ARHGAP23: variants seen among roughly 807,000 people sequenced by gnomAD.
The protein encoded by ARHGAP23 is Rho GTPase activating protein 23, also known as rho GTPase-activating protein 23.
ARHGAP23 carries 34 observed loss-of-function variants against 136.3 expected under a neutral mutation model. The ratio of observed to expected loss-of-function variants is 0.25; its 90% confidence interval spans 0.19 to 0.33. The LOEUF (loss-of-function observed/expected upper bound fraction) is 0.33, where lower values mean the gene tolerates loss of function less well. ARHGAP23 is among the 10% of genes least tolerant of loss of function. ARHGAP23 has a pLI of 1.00. For synonymous variants in ARHGAP23, 832 were observed against 920.5 expected, an observed-to-expected ratio of 0.90 and a Z score of 1.74; for missense variants, 1,808 against 2,139.0, an observed-to-expected ratio of 0.85 and a Z score of 3.05.
upstream of ARHGAP23, among the ~76,000 whole-genome samples, chr17:38,425,851 G>A (rs1231232515): frequency 1.3e-5 from 2 of 151,948 alleles, no homozygotes; most frequent in Non-Finnish European, 2.9e-5. Context: ...TGCAGGTCAA[G>A]GTGCAGGAAG....
intron 1 of ARHGAP23, among the ~76,000 whole-genome samples, chr17:38,435,309 C>A (rs1244081385): frequency 6.7e-6 from 1 of 149,690 alleles, no homozygotes; most frequent in African/African-American, 2.6e-5. Context: ...GAGGAAGGGG[C>A]CTCAGGTTGT....
At position 38,510,940 on chromosome 17, in the gene ARHGAP23, T is replaced by C; in HGVS notation, c.4444T>C (p.Ser1482Pro). The stretch of plus-strand genomic sequence containing the variant: ...CCTGCAGAGCCAGCCCCCGCGCCGC[T>C]CGGCCGCCTCCCGCCTGCATCAGTG... ...GSLQSQPPRR[S>P]AASRLHQCL The change falls in exon 24 of 24, where the codon TCG becomes CCG. Residue 1482 changes from serine (S) to proline (P), a missense_variant. Coordinates refer to ENST00000622683, the MANE Select transcript of ARHGAP23 (RefSeq NM_001199417.2). The surrounding 1 kb of genome is among the most constrained non-coding windows in gnomAD (Gnocchi z 4.6). 1.4e-6 allele frequency: 2 copies of C among 1,464,538 alleles called. No homozygotes were observed. The highest frequency in any genetic ancestry group is 1.8e-6 in the Non-Finnish European group (2 of 1,119,886). The allele number at this position is 1,464,538 out of a possible 1,614,324, so 90.7% of individuals were successfully genotyped here.
intron 10 of ARHGAP23, among the ~76,000 whole-genome samples, chr17:38,471,650 C>T (rs2039761481): frequency 6.6e-6 from 1 of 152,246 alleles, no homozygotes; most frequent in Admixed American, 6.5e-5. Context: ...AGGTCGTAGC[C>T]TTTCCTCCTT....
intron 16 of ARHGAP23, among the ~76,000 whole-genome samples, chr17:38,483,285 T>A (rs966768883): frequency 4.6e-5 from 7 of 152,370 alleles, no homozygotes; most frequent in African/African-American, 1.7e-4. Context: ...TGATGTTTTC[T>A]AGAATGGCCA....
At chr17:38,438,360 A>G (rs559332891) in intron 1 of ARHGAP23, among the ~76,000 whole-genome samples, 13 of 150,704 alleles carry the variant, frequency 8.6e-5, no homozygotes, top group African/African-American at 3.2e-4. Flanking sequence ...TTGGGGCAAG[A>G]AAGGGATGGA....
Position 38,460,946 on chromosome 17 carries a change from G to A in ARHGAP23, c.253+14G>A. On this transcript the variant is annotated intron_variant, in intron 3 of 23. Transcript: ENST00000622683. Reference sequence around the variant, plus strand: ...GCCGTGGAGGAGGTAAGGGAGGACTGGCGGGCGCTGGACCTGCACGGGACT... The same window carrying A: ...GCCGTGGAGGAGGTAAGGGAGGACTAGCGGGCGCTGGACCTGCACGGGACT... The A allele has an allele frequency of 2.0e-6, 3 of 1,535,894 alleles. No homozygotes were observed. Among genetic ancestry groups the A allele is most frequent in the Non-Finnish European group, 2.6e-6 (3 of 1,146,788 alleles).
chr17:38,423,519 A>T (rs8079561), upstream of ARHGAP23, among the ~76,000 whole-genome samples: 3 of 151,480 alleles, frequency 2.0e-5, no homozygotes, highest in Non-Finnish European at 4.4e-5. Context: ...TTACAGGCGC[A>T]CACCACCACG....
chr17:38,445,069 C>T (rs1440253508), intron 1 of ARHGAP23, among the ~76,000 whole-genome samples: 11 of 151,968 alleles, frequency 7.2e-5, no homozygotes, highest in South Asian at 2.1e-4. Context: ...CCAACTGCCT[C>T]GGCCTTCCAA....
rs141048222 is a variant in ARHGAP23, at chr17:38,469,714, G to A, written c.1916+79G>A. 1,453 of 1,511,036 alleles carry A rather than the reference G, an allele frequency of 9.6e-4. 15 individuals are homozygous for A. The African/African-American group carries it at 0.018, about 19-fold the overall frequency. 93.6% of individuals were successfully genotyped at this position (1,511,036 alleles called of 1,614,324 possible). A position where few individuals can be genotyped will look rare whatever the true frequency, so the allele number is the denominator to read the frequency against. On this transcript the variant is annotated intron_variant, in intron 9 of 23. Transcript: ENST00000622683. Reference sequence around the variant, plus strand: ...GCTCTGGGGCAGGGCTCTTGGCCCTGGGGGTCCTCTATGCATGGGACAGTG... The same window carrying A: ...GCTCTGGGGCAGGGCTCTTGGCCCTAGGGGTCCTCTATGCATGGGACAGTG...
chr17:38,437,317 G>T lies in ARHGAP23; in HGVS notation c.63+8769G>T, dbSNP rs1388935045. Reference sequence around the variant, plus strand: ...TGGCTAATTTTTTTGTAGCGATGGGGGTCTCCCTATATTGCCTAGGCTGGT... The same window carrying T: ...TGGCTAATTTTTTTGTAGCGATGGGTGTCTCCCTATATTGCCTAGGCTGGT... On this transcript the variant is annotated intron_variant, in intron 1 of 23. Coordinates refer to ENST00000622683, the MANE Select transcript of ARHGAP23 (RefSeq NM_001199417.2). 2.6e-5 allele frequency among the ~76,000 whole-genome samples: 4 copies of T among 151,850 alleles called. No homozygotes were observed. In the South Asian group the frequency reaches 6.2e-4, roughly 24 times the overall value.
chr17:38,436,662 A>G (rs2038804622), intron 1 of ARHGAP23, among the ~76,000 whole-genome samples: 1 of 152,260 alleles, frequency 6.6e-6, no homozygotes, highest in South Asian at 2.1e-4. Flanking sequence ...AAAGCCAGAC[A>G]AAAAGTCTCC....
intron 6 of ARHGAP23, among the ~76,000 whole-genome samples, chr17:38,465,960 C>T (rs987306916): frequency 1.3e-5 from 2 of 152,030 alleles, no homozygotes; most frequent in African/African-American, 4.8e-5. Context: ...AGTTTGCCTG[C>T]GTCTCAAAGG....
In ARHGAP23 at chr17:38,466,303, T is replaced by C. The variant is rs749130674; in HGVS notation, c.620T>C (p.Met207Thr). The C allele has an allele frequency of 6.5e-7, 1 of 1,546,586 alleles. No individual in the cohort carries two copies. The highest frequency in any genetic ancestry group is 1.2e-5 in the South Asian group (1 of 83,920). ...PPARASTRAT[M>T]VPEPTSALPS... is the part of the protein sequence containing the mutation. ...GCCCGGGCCTCCACCAGGGCCACTA[T>C]GGTGCCTGAGCCCACCTCAGCACTG... The change falls in exon 7 of 24, where the codon ATG becomes ACG. Residue 207 changes from methionine (M) to threonine (T), a missense_variant. Met to Thr is a moderately conservative substitution (Grantham distance 81). Around this residue, in one of 7 missense-constraint regions of ARHGAP23, gnomAD observed 859 missense variants for 936.4 expected, o/e 0.92. Coordinates refer to ENST00000622683, the MANE Select transcript of ARHGAP23 (RefSeq NM_001199417.2).
chr17:38,470,534 C>A (rs2039725977), intron 10 of ARHGAP23, among the ~76,000 whole-genome samples: 2 of 152,166 alleles, frequency 1.3e-5, no homozygotes, highest in Admixed American at 1.3e-4. Flanking sequence ...CCTGTGATAG[C>A]CCTGGCTGTT....
chr17:38,505,250 C>T (rs1170355928), intron 23 of ARHGAP23, among the ~76,000 whole-genome samples: 1 of 151,792 alleles, frequency 6.6e-6, no homozygotes, highest in Non-Finnish European at 1.5e-5. Flanking sequence ...TCAATGGATC[C>T]TGCTGCCTCG....
rs1359698323 is a variant in ARHGAP23 at position 38,458,177 on chromosome 17, T to C, written c.139T>C (p.Tyr47His). Reference sequence around the variant, plus strand: ...GCAGGGGCCGAGGACGCTGCTGCTGTACAAAAGTCCCCAGGACGGCTTTGG... The same window carrying C: ...GCAGGGGCCGAGGACGCTGCTGCTGCACAAAAGTCCCCAGGACGGCTTTGG... ...PWQGPRTLLL[Y>H]KSPQDGFGFT... Residue 47 changes from tyrosine (Y) to histidine (H), a missense_variant, in exon 2 of 24, where the codon TAC (tyrosine) becomes CAC (histidine). Tyr to His is a moderately conservative substitution (Grantham distance 83). This residue lies in a region of ARHGAP23 where 859 missense variants were observed against 936.4 expected (regional missense o/e 0.92). Coordinates refer to ENST00000622683, the MANE Select transcript of ARHGAP23 (RefSeq NM_001199417.2). The C allele has an allele frequency of 6.5e-7, 1 of 1,536,000 alleles. No individual in the cohort carries two copies. The highest frequency in any genetic ancestry group is 8.7e-7 in the Non-Finnish European group (1 of 1,146,886).
intron 1 of ARHGAP23, among the ~76,000 whole-genome samples, chr17:38,421,422 C>T (rs892803346): frequency 3.9e-5 from 6 of 152,260 alleles, no homozygotes; most frequent in Non-Finnish European, 8.8e-5. Context: ...ATGTGGTTAA[C>T]GCCCGGCTTT....
At chr17:38,498,285 A>G in intron 21 of ARHGAP23, 129 bp from the exon 22 acceptor site, 1 of 659,916 alleles carries the variant, frequency 1.5e-6, no homozygotes, top group Non-Finnish European at 2.5e-6. Context: ...GATGAGGGAG[A>G]CGGTCCCTGC....
rs549405449 is a variant in ARHGAP23, at chr17:38,482,015, A to C, written c.2630-7A>C. ...AGCTCACTCTGGCTCTGTCTCCCCCACTTCAGATGACAGTGCTGCAGCCCC... is the reference window on the plus strand; with the variant it reads ...AGCTCACTCTGGCTCTGTCTCCCCCCCTTCAGATGACAGTGCTGCAGCCCC... On this transcript the variant is annotated splice_region_variant and splice_polypyrimidine_tract_variant and intron_variant, in intron 14 of 23. Coordinates refer to ENST00000622683, the MANE Select transcript of ARHGAP23 (RefSeq NM_001199417.2). 5.1e-5 allele frequency: 77 copies of C among 1,522,236 alleles called. No individual in the cohort carries two copies. The African/African-American group carries it at 9.7e-4, about 19-fold the overall frequency. The allele number at this position is 1,522,236 out of a possible 1,614,324, so 94.3% of individuals were successfully genotyped here.
Sources: allele counts gnomAD v4.1 joint callset (sites outside exome capture counted in the v4.1 genomes callset), GRCh38; gene constraint gnomAD v4.1.1; regional missense constraint gnomAD v4.1.1; non-coding constraint Gnocchi (gnomAD v3.1); transcripts MANE v1.5; gene names NCBI Gene and HGNC (gene_info 2026-07-23, HGNC 2026-07-21).